SELENOO: variants seen among roughly 807,000 people sequenced by gnomAD.
SELENOO encodes the protein selenoprotein O, also known as protein adenylyltransferase SelO, mitochondrial.
In SELENOO, 74 loss-of-function variants were observed where a neutral mutation model predicts 58.7. The observed-to-expected ratio is 1.26, with a 90% CI of 1.04 to 1.53. The LOEUF (loss-of-function observed/expected upper bound fraction) is 1.53, where lower values mean the gene tolerates loss of function less well. SELENOO is among the 40% of genes most tolerant of loss of function. SELENOO has a pLI of 0.00. For missense variants in SELENOO, 1,149 were observed against 970.0 expected (o/e 1.18, Z -2.45); for synonymous variants, 543 against 453.2 (o/e 1.20, Z -2.52).
intron 1 of SELENOO, among the ~76,000 whole-genome samples, chr22:50,203,486 G>A (rs1023407477): frequency 3.3e-5 from 5 of 152,180 alleles, no homozygotes; most frequent in African/African-American, 7.2e-5. Flanking sequence ...CTACAAAGCC[G>A]CAGTCAGCAA....
chr22:50,209,540 C>T (rs4611754), intron 3 of SELENOO: 27,707 of 152,614 alleles, frequency 0.18, 2,531 homozygotes, highest in Middle Eastern at 0.24. Flanking sequence ...CATAGACATG[C>T]GTGGGTGGTC....
At chr22:50,210,096 G>A (rs2064357640) in intron 3 of SELENOO, 85 bp from the exon 4 acceptor site, 4 of 1,513,566 alleles carry the variant, frequency 2.6e-6, no homozygotes, top group Non-Finnish European at 2.7e-6. Flanking sequence ...AAGCACAGCC[G>A]GTTTCAGGGA....
At chr22:50,206,901 G>C (rs926970402) in intron 2 of SELENOO, among the ~76,000 whole-genome samples, 1 of 151,334 alleles carries the variant, frequency 6.6e-6, no homozygotes, top group African/African-American at 2.4e-5. Context: ...CTGGGGGGGA[G>C]GGGGTCCCTG....
At position 50,210,166 on chromosome 22, in the gene SELENOO, A is replaced by G; in HGVS notation, c.940-15A>G. On this transcript the variant is annotated splice_polypyrimidine_tract_variant and intron_variant, in intron 3 of 8. Transcript: ENST00000380903. ...AGGACCCCGAGGAGGGAGCAAGCACACTGTCCCACCCCAGGTGACGCGGCG... is the reference window on the plus strand; with the variant it reads ...AGGACCCCGAGGAGGGAGCAAGCACGCTGTCCCACCCCAGGTGACGCGGCG... The G allele has an allele frequency of 6.2e-7, 1 of 1,610,874 alleles. No individual in the cohort carries two copies. Among genetic ancestry groups the G allele is most frequent in the Middle Eastern group, 1.7e-4 (1 of 5,960 alleles).
chr22:50,202,701 T>C lies in SELENOO; in HGVS notation c.554+1111T>C, dbSNP rs376909522. On this transcript the variant is annotated intron_variant, in intron 1 of 8. Transcript: ENST00000380903. The stretch of plus-strand genomic sequence containing the variant: ...CTGTCGCTGGAAGACACTTTTTATG[T>C]TTGAAGACTTGAGTATTAACTCACT... Among the ~76,000 whole-genome samples, 4 of 152,360 alleles carry C rather than the reference T, an allele frequency of 2.6e-5. No homozygotes were observed. The East Asian group carries it at 5.8e-4, about 22-fold the overall frequency.
intron 2 of SELENOO, among the ~76,000 whole-genome samples, chr22:50,208,282 T>C (rs1179467222): frequency 6.6e-6 from 1 of 151,964 alleles, no homozygotes; most frequent in Non-Finnish European, 1.5e-5. Flanking sequence ...ATACAAAAAT[T>C]AGCTGGGCGT....
At chr22:50,214,211 G>A (rs576336202) in intron 5 of SELENOO, among the ~76,000 whole-genome samples, 7 of 152,226 alleles carry the variant, frequency 4.6e-5, no homozygotes, top group East Asian at 3.9e-4. Flanking sequence ...GCACAGCTGC[G>A]GCTCACTGCA....
rs771461256 is a variant in SELENOO, at chr22:50,210,904, T to C, written c.1344T>C (p.His448=). 2.9e-5 allele frequency: 46 copies of C among 1,614,020 alleles called. No homozygotes were observed. The highest frequency in any genetic ancestry group is 1.3e-4 in the East Asian group (6 of 44,886). ...TGTCCAAGCTCCTGGAGACCATGCA[T>C]CTGACCGGTGAGTGACCCAGCCGTG... ...ALVSKLLETM[H]LTGADFTNTF... The change falls in exon 5 of 9, where the codon CAT becomes CAC. Residue 448 remains histidine, a synonymous_variant. Transcript: ENST00000380903.
chr22:50,214,740 C>T (rs139310458), intron 5 of SELENOO, among the ~76,000 whole-genome samples: 11 of 152,226 alleles, frequency 7.2e-5, no homozygotes, highest in East Asian at 5.8e-4. Context: ...ACTCCAGCCC[C>T]GGCAACAGAG....
intron 2 of SELENOO, among the ~76,000 whole-genome samples, chr22:50,207,068 G>A (rs1490239533): frequency 6.6e-6 from 1 of 152,190 alleles, no homozygotes; most frequent in Non-Finnish European, 1.5e-5. Flanking sequence ...CCAGTTGCTC[G>A]TTGGTCTGGA....
At position 50,217,096 on chromosome 22, in the gene SELENOO, A is replaced by T. The variant is rs751973996; in HGVS notation, c.1813A>T (p.Ile605Phe). 17 of 1,613,034 alleles carry T rather than the reference A, an allele frequency of 1.1e-5. 1 individual carries two copies. The highest frequency in any genetic ancestry group is 1.4e-5 in the Non-Finnish European group (17 of 1,179,930). Reference protein sequence around the residue: ...VLRNYIAQNAIEAAERGDFSE... With the variant: ...VLRNYIAQNAFEAAERGDFSE... ...GAGGAACTACATCGCGCAGAATGCCATCGAGGCTGCCGAGCGCGGGGACTT... is the reference window on the plus strand; with the variant it reads ...GAGGAACTACATCGCGCAGAATGCCTTCGAGGCTGCCGAGCGCGGGGACTT... Residue 605 changes from isoleucine to phenylalanine, a missense_variant, in exon 8 of 9, where the codon ATC (isoleucine) becomes TTC (phenylalanine). Transcript: ENST00000380903.
chr22:50,210,452 A>T (rs575825878), intron 4 of SELENOO, 141 bp downstream of exon 4: 72 of 1,343,986 alleles, frequency 5.4e-5, no homozygotes, highest in South Asian at 2.9e-4. Flanking sequence ...GGAAGTAGAG[A>T]GTCCAGGGCA....
At chr22:50,202,183 T>C (rs1299789380) in intron 1 of SELENOO, among the ~76,000 whole-genome samples, 1 of 152,066 alleles carries the variant, frequency 6.6e-6, no homozygotes, top group Non-Finnish European at 1.5e-5. Context: ...ATGTACTTAC[T>C]CCATATTCTT....
chr22:50,209,812 GGGT>G (rs1256919046), intron 3 of SELENOO, among the ~76,000 whole-genome samples: 1 of 152,230 alleles, frequency 6.6e-6, no homozygotes, highest in African/African-American at 2.4e-5. Flanking sequence ...CAGGCCAGCA[GGGT>G]GGTGGTGGCA....
At chr22:50,203,363 G>A (rs778006278) in intron 1 of SELENOO, among the ~76,000 whole-genome samples, 12 of 152,172 alleles carry the variant, frequency 7.9e-5, no homozygotes, top group Middle Eastern at 3.2e-3. Flanking sequence ...ATGACAGAGT[G>A]AGACCCTGTC....
At chr22:50,206,619 A>G (rs2064334911) in intron 2 of SELENOO, 99 bp downstream of exon 2, 2 of 1,119,514 alleles carry the variant, frequency 1.8e-6, no homozygotes, top group Non-Finnish European at 2.5e-6. Context: ...ACAAACCCAG[A>G]TGACCGCCTT....
rs889092420 is a variant in SELENOO at position 50,217,047 on chromosome 22, C to T, written c.1764C>T (p.His588=). The T allele has an allele frequency of 1.6e-5, 25 of 1,612,398 alleles. No homozygotes were observed. The highest frequency in any genetic ancestry group is 3.3e-5 in the Admixed American group (2 of 60,004). The part of the protein sequence containing the change: ...AWQAEHVRVM[H]ANNPKYVLRN... ...AGGCTGAGCACGTGCGCGTGATGCACGCCAACAACCCGAAGTACGTGCTGA... is the reference window on the plus strand; with the variant it reads ...AGGCTGAGCACGTGCGCGTGATGCATGCCAACAACCCGAAGTACGTGCTGA... The change falls in exon 8 of 9, where the codon CAC becomes CAT. Residue 588 remains histidine (H), a synonymous_variant. Coordinates refer to ENST00000380903, the MANE Select transcript of SELENOO (RefSeq NM_031454.2).
At chr22:50,212,179 A>AT (rs2064375443) in intron 5 of SELENOO, among the ~76,000 whole-genome samples, 1 of 152,020 alleles carries the variant, frequency 6.6e-6, no homozygotes, top group South Asian at 2.1e-4. Context: ...CACATCTTCC[A>AT]TTTTTTTCCT....
In SELENOO at chr22:50,210,886, GCT is replaced by G; in HGVS notation, c.1328_1329del (p.Leu443ProfsTer114). ...AGGAAGACGGGGCGCTGGTGTCCAA[GCT>G]CCTGGAGACCATGCATCTGACCGGT... ...LEEDGALVSK[L>X]LETMHLTGAD... is the part of the protein sequence containing the mutation. On this transcript the variant is annotated frameshift_variant, in exon 5 of 9. Transcript: ENST00000380903. LOFTEE classifies it high-confidence loss of function. The G allele has an allele frequency of 6.2e-7, 1 of 1,614,124 alleles. No individual in the cohort carries two copies. Among genetic ancestry groups the G allele is most frequent in the Non-Finnish European group, 8.5e-7 (1 of 1,180,038 alleles).
Sources: gnomAD v4.1 joint callset for allele counts (sites outside exome capture counted in the v4.1 genomes callset) on GRCh38, gnomAD v4.1.1 for gene constraint, MANE v1.5 for transcripts, NCBI Gene and HGNC (gene_info 2026-07-23, HGNC 2026-07-21) for gene names.